The following ECT2 variants were observed in gnomAD, a reference collection of about 807,000 sequenced individuals.
ECT2 encodes epithelial cell transforming 2.
ECT2 carries 61 observed loss-of-function variants against 116.9 expected under a neutral mutation model. The ratio of observed to expected loss-of-function variants is 0.52; its 90% CI spans 0.42 to 0.65. The LOEUF (loss-of-function observed/expected upper bound fraction) is 0.65. ECT2 is among the 30% of genes least tolerant of loss of function. ECT2 has a pLI of 0.00. For missense variants in ECT2, 937 were observed against 1,078.7 expected, an observed-to-expected ratio of 0.87 and a Z score of 1.84; for synonymous variants, 358 against 346.4, an observed-to-expected ratio of 1.03 and a Z score of -0.37.
At chr3:172,810,553 T>A (rs1337082205) in intron 22 of ECT2, among the ~76,000 whole-genome samples, 1 of 152,208 alleles carries the variant, frequency 6.6e-6, no homozygotes, top group Admixed American at 6.5e-5. Context: ...TATAAATGTC[T>A]GTTATTGATA....
At chr3:172,769,396 A>G (rs1720188575) in intron 13 of ECT2, among the ~76,000 whole-genome samples, 1 of 152,162 alleles carries the variant, frequency 6.6e-6, no homozygotes, top group South Asian at 2.1e-4. Flanking sequence ...TGATCTCAGG[A>G]GTATCAAGTT....
At chr3:172,817,252 C>G (rs1400572710) in intron 24 of ECT2, among the ~76,000 whole-genome samples, 3 of 152,086 alleles carry the variant, frequency 2.0e-5, no homozygotes, top group Admixed American at 6.6e-5. Context: ...GGCATCCTAT[C>G]ATACGTCATT....
chr3:172,802,954 C>T lies in ECT2; in HGVS notation c.2080C>T (p.Leu694Phe). The change falls in exon 20 of 25, where the codon CTC becomes TTC. Residue 694 changes from leucine to phenylalanine, a missense_variant. Leu to Phe is a conservative substitution (Grantham distance 22). Transcript: ENST00000392692. Reference sequence around the variant, plus strand: ...CTGTGACAGAGGAGAACAAGTAACTCTCTTCCTCTTCAATGATTGCCTAGA... The same window carrying T: ...CTGTGACAGAGGAGAACAAGTAACTTTCTTCCTCTTCAATGATTGCCTAGA... ...HPCDRGEQVT[L>F]FLFNDCLEIA... 6.2e-7 allele frequency: 1 copy of T among 1,612,394 alleles called. No individual in the cohort carries two copies. The highest frequency in any genetic ancestry group is 8.5e-7 in the Non-Finnish European group (1 of 1,179,256).
intron 22 of ECT2, among the ~76,000 whole-genome samples, chr3:172,809,725 A>G (rs922939512): frequency 1.3e-5 from 2 of 152,122 alleles, no homozygotes; most frequent in African/African-American, 4.8e-5. Context: ...AGCTTTCTTA[A>G]TTAAAAGAGT....
intron 24 of ECT2, chr3:172,818,594 A>C: frequency 7.8e-7 from 1 of 1,287,488 alleles, no homozygotes; most frequent in Non-Finnish European, 1.0e-6. Context: ...TTTACTAAGC[A>C]TGTTTATGTT....
At chr3:172,754,722 C>G (rs1341561852) in intron 2 of ECT2, 62 bp downstream of exon 2, 2 of 1,307,434 alleles carry the variant, frequency 1.5e-6, no homozygotes, top group Admixed American at 2.4e-5. Flanking sequence ...TTATTAGTGA[C>G]TTTCTTAAGA....
At chr3:172,763,853 A>G (rs1000374761) in intron 11 of ECT2, among the ~76,000 whole-genome samples, 1 of 152,196 alleles carries the variant, frequency 6.6e-6, no homozygotes, top group Non-Finnish European at 1.5e-5. Context: ...TGAAGTTCTT[A>G]AAGTTTAAAA....
chr3:172,785,447 G>T (rs1723441183), intron 17 of ECT2, among the ~76,000 whole-genome samples: 1 of 151,340 alleles, frequency 6.6e-6, no homozygotes, highest in Admixed American at 6.6e-5. Flanking sequence ...CACTTTGGAA[G>T]ACCGAGGGTA....
At chr3:172,819,496 G>A (rs1039203586) in intron 24 of ECT2, among the ~76,000 whole-genome samples, 4 of 151,952 alleles carry the variant, frequency 2.6e-5, no homozygotes, top group East Asian at 1.9e-4. Flanking sequence ...TATACGGAAC[G>A]AAATTTTAAA....
chr3:172,789,164 G>C (rs529501528), intron 18 of ECT2, among the ~76,000 whole-genome samples: 6 of 151,214 alleles, frequency 4.0e-5, no homozygotes, highest in African/African-American at 1.5e-4. Flanking sequence ...TACCAGGGTC[G>C]TGGTTGCTGA....
intron 18 of ECT2, among the ~76,000 whole-genome samples, chr3:172,795,547 C>T (rs907874197): frequency 4.6e-5 from 7 of 152,068 alleles, no homozygotes; most frequent in African/African-American, 1.7e-4. Context: ...ACAACATACC[C>T]ATGTATTTCA....
chr3:172,800,343 G>C (rs754503456), intron 18 of ECT2, among the ~76,000 whole-genome samples: 4 of 152,116 alleles, frequency 2.6e-5, no homozygotes, highest in Non-Finnish European at 5.9e-5. Flanking sequence ...ACTCTGACTA[G>C]TTTTACTCAC....
chr3:172,779,156 T>C (rs1415251995), intron 14 of ECT2, among the ~76,000 whole-genome samples: 5 of 152,334 alleles, frequency 3.3e-5, no homozygotes, highest in Non-Finnish European at 5.9e-5. Context: ...GAGGAACATA[T>C]AGCTTAAATA....
chr3:172,784,278 C>T (rs953726068), intron 16 of ECT2, among the ~76,000 whole-genome samples: 2 of 152,010 alleles, frequency 1.3e-5, no homozygotes, highest in Admixed American at 6.6e-5. Flanking sequence ...AGACTCCCAT[C>T]TCTACAAAAA....
At chr3:172,826,353 A>C (rs551718965), downstream of ECT2, among the ~76,000 whole-genome samples, 22 of 152,144 alleles carry the variant, frequency 1.4e-4, no homozygotes, top group Admixed American at 2.6e-4. Context: ...TCCTAAATAG[A>C]CTTTGCTTGT....
the ECT2 span, chr3:172,828,741 A>G: frequency 3.6e-6 from 2 of 550,614 alleles, no homozygotes; most frequent in Non-Finnish European, 6.7e-6. Flanking sequence ...TCACGTGGCG[A>G]AGAGGATGAG....
chr3:172,807,753 T>C lies in ECT2; in HGVS notation c.2246-17T>C, dbSNP rs1341809597. On this transcript the variant is annotated splice_polypyrimidine_tract_variant and intron_variant, in intron 21 of 24. Transcript: ENST00000392692. ...AAGGAGTGACACTTAATGTTTATGG[T>C]TATTCTGGAACCCTAGATTGCCATA... 6.2e-7 allele frequency: 1 copy of C among 1,605,026 alleles called. No homozygotes were observed. The highest frequency in any genetic ancestry group is 1.3e-5 in the African/African-American group (1 of 74,648).
Position 172,795,344 on chromosome 3 carries a change from A to AT in ECT2, c.1908-7268dup, listed in dbSNP as rs1470674922. On this transcript the variant is annotated intron_variant, in intron 18 of 24. Transcript: ENST00000392692. The stretch of plus-strand genomic sequence containing the variant: ...CTATCAAAAAAAAAAAAAAAAAAAA[A>AT]TTTTCAAAATTGTCAAAATACATTT... Among the ~76,000 whole-genome samples, 11 of 145,076 alleles carry AT rather than the reference A, an allele frequency of 7.6e-5. No individual in the cohort carries two copies. In the South Asian group the frequency reaches 1.1e-3, roughly 14 times the overall value.
At chr3:172,806,829 G>A (rs1289471883) in intron 21 of ECT2, among the ~76,000 whole-genome samples, 11 of 151,658 alleles carry the variant, frequency 7.3e-5, no homozygotes, top group Admixed American at 7.2e-4. Flanking sequence ...TTTTAGTAGA[G>A]ACGGGGTTTC....
Sources: allele counts gnomAD v4.1 joint callset (sites outside exome capture counted in the v4.1 genomes callset), GRCh38; gene constraint gnomAD v4.1.1; transcripts MANE v1.5; gene names NCBI Gene and HGNC (gene_info 2026-07-23, HGNC 2026-07-21).